SIL1: variants seen among roughly 807,000 people sequenced by gnomAD.
SIL1 encodes the protein SIL1 nucleotide exchange factor.
A neutral mutation model predicts 49.1 loss-of-function variants in SIL1; 40 were observed. The observed-to-expected ratio is 0.81, with a 90% CI of 0.63 to 1.06. SIL1 has a LOEUF of 1.06. Ranked by LOEUF, SIL1 falls within the 50% of genes least tolerant of loss-of-function variation. SIL1 has a pLI of 0.00. For missense variants in SIL1, 500 were observed against 572.6 expected (o/e 0.87, Z 1.29); for synonymous variants, 253 against 250.8 (o/e 1.01, Z -0.08).
intron 5 of SIL1, among the ~76,000 whole-genome samples, chr5:139,029,465 GT>G (rs1221954798): frequency 1.3e-5 from 2 of 152,146 alleles, no homozygotes; most frequent in Admixed American, 6.5e-5. Context: ...TTAGAAAGAT[GT>G]ATGATAATTA....
intron 2 of SIL1, among the ~76,000 whole-genome samples, chr5:139,126,809 T>C (rs944258013): frequency 6.6e-6 from 1 of 152,224 alleles, no homozygotes; most frequent in Non-Finnish European, 1.5e-5. Flanking sequence ...GGATTGTTAT[T>C]AAATTCATCA....
rs1293723662 is a variant in SIL1, at chr5:139,009,410, TTA to T, written c.767+11759_767+11760del. ...CAGCACACTGATGGGTCTTGACTCT[TTA>T]TCCAATTTGCCAGTCTGTGTCTTTT... On this transcript the variant is annotated intron_variant, in intron 7 of 9. Coordinates refer to ENST00000394817, the MANE Select transcript of SIL1 (RefSeq NM_022464.5). Among the ~76,000 whole-genome samples the T allele has an allele frequency of 2.8e-4, 42 of 147,902 alleles. No homozygotes were observed. In the East Asian group the frequency reaches 7.7e-3, roughly 27 times the overall value.
chr5:139,156,523 A>AG (rs1410816586), intron 1 of SIL1, among the ~76,000 whole-genome samples: 1 of 152,190 alleles, frequency 6.6e-6, no homozygotes, highest in African/African-American at 2.4e-5. Context: ...TAAGAAAAAA[A>AG]AAGGATCTTT....
Position 139,174,909 on chromosome 5 carries a change from G to A in SIL1, c.-11+23360C>T, listed in dbSNP as rs1751846151. Among the ~76,000 whole-genome samples the A allele has an allele frequency of 2.3e-5, 3 of 128,592 alleles. No individual in the cohort carries two copies. The South Asian group carries it at 7.3e-4, about 31-fold the overall frequency. The allele number at this position is 128,592 out of a possible 152,430, so 84.4% of individuals were successfully genotyped here. A position where few individuals can be genotyped will look rare whatever the true frequency, so the allele number is the denominator to read the frequency against. ...AGCGACATCATGTCACTGCACTCCA[G>A]CCTGGATGACAGAGTAAGACTGTGT... On this transcript the variant is annotated intron_variant, in intron 1 of 9. Coordinates refer to ENST00000394817, the MANE Select transcript of SIL1 (RefSeq NM_022464.5).
Position 139,026,823 on chromosome 5 carries a change from T to C in SIL1, c.623A>G (p.Asp208Gly). 6.2e-7 allele frequency: 1 copy of C among 1,614,054 alleles called. No homozygotes were observed. The highest frequency in any genetic ancestry group is 8.5e-7 in the Non-Finnish European group (1 of 1,179,958). The change falls in exon 6 of 10, where the codon GAT (aspartate) becomes GGT (glycine). Residue 208 changes from aspartate to glycine, a missense_variant. Transcript: ENST00000394817. The part of the protein sequence containing the change: ...SLEEKIAALF[D>G]LEYYVHQMDN... ...TACCTGATGGACATAATATTCAAGA[T>C]CAAAGAGCGCAGCAATCTTCTCTTC...
intron 7 of SIL1, among the ~76,000 whole-genome samples, chr5:138,961,088 G>A (rs1191777253): frequency 6.6e-6 from 1 of 152,280 alleles, no homozygotes; most frequent in Non-Finnish European, 1.5e-5. Context: ...GCAAGACCTG[G>A]TTTTATGGAA....
intron 3 of SIL1, among the ~76,000 whole-genome samples, chr5:139,075,419 T>C (rs1165753923): frequency 6.6e-6 from 1 of 152,232 alleles, no homozygotes; most frequent in Admixed American, 6.5e-5. Flanking sequence ...CAAGGACTTT[T>C]CTGAGTATGT....
At chr5:138,972,036 G>C (rs917162676) in intron 7 of SIL1, among the ~76,000 whole-genome samples, 2 of 152,178 alleles carry the variant, frequency 1.3e-5, no homozygotes, top group Non-Finnish European at 2.9e-5. Context: ...AGCCCAGAAT[G>C]AGCTCTGTAG....
intron 1 of SIL1, among the ~76,000 whole-genome samples, chr5:139,190,829 A>T (rs1752153853): frequency 6.6e-6 from 1 of 152,160 alleles, no homozygotes; most frequent in Non-Finnish European, 1.5e-5. Context: ...AGCCCAAAAC[A>T]CAATCATTTT....
intron 7 of SIL1, among the ~76,000 whole-genome samples, chr5:138,955,699 G>A (rs933401417): frequency 2.0e-5 from 3 of 152,214 alleles, no homozygotes; most frequent in Admixed American, 6.5e-5. Context: ...TCAGGCCCAA[G>A]TGCAACATGA....
intron 1 of SIL1, among the ~76,000 whole-genome samples, chr5:139,159,907 G>A (rs750399235): frequency 6.6e-6 from 1 of 152,020 alleles, no homozygotes; most frequent in Non-Finnish European, 1.5e-5. Flanking sequence ...ATGCAAGTAT[G>A]TTTACTTTCT....
chr5:138,996,666 C>T (rs776433590), intron 7 of SIL1, among the ~76,000 whole-genome samples: 36 of 151,596 alleles, frequency 2.4e-4, no homozygotes, highest in Admixed American at 5.3e-4. Flanking sequence ...ACTACAGGTG[C>T]GAGCCACCAC....
At chr5:139,177,636 G>C (rs899715847) in intron 1 of SIL1, among the ~76,000 whole-genome samples, 2 of 152,190 alleles carry the variant, frequency 1.3e-5, no homozygotes, top group African/African-American at 4.8e-5. Flanking sequence ...GAAAGGAGTA[G>C]TGGGCAAGGC....
chr5:139,169,150 C>A (rs1751682764), intron 1 of SIL1, among the ~76,000 whole-genome samples: 1 of 152,078 alleles, frequency 6.6e-6, no homozygotes, highest in Non-Finnish European at 1.5e-5. Flanking sequence ...TAGCAAGATC[C>A]TGCCTCTAAA....
At chr5:138,958,222 T>C (rs1766942686) in intron 7 of SIL1, among the ~76,000 whole-genome samples, 1 of 152,216 alleles carries the variant, frequency 6.6e-6, no homozygotes, top group African/African-American at 2.4e-5. Flanking sequence ...AGGCCAGTGG[T>C]AGAATGTTTC....
In SIL1 at chr5:139,121,051, C is replaced by T. The variant is rs1020037017; in HGVS notation, c.228G>A (p.Trp76Ter). 1.2e-6 allele frequency: 2 copies of T among 1,614,008 alleles called. No individual in the cohort carries two copies. Among genetic ancestry groups the T allele is most frequent in the Non-Finnish European group, 1.7e-6 (2 of 1,180,050 alleles). Residue 76 changes from tryptophan to a stop codon, truncating the protein, a stop_gained, in exon 3 of 10, where the codon TGG becomes TGA. Transcript: ENST00000394817. LOFTEE classifies it high-confidence loss of function. Reference protein sequence around the residue: ...VLEVFHPTHEWQALQPGQAVP... With the variant: ...VLEVFHPTHE ...GCCTGATACCTGGCTGAAGGGCCTG[C>T]CACTCATGCGTCGGGTGGAACACCT...
intron 1 of SIL1, among the ~76,000 whole-genome samples, chr5:139,143,330 CACACACACACACACAT>C (rs1225034778): frequency 0.027 from 2,585 of 95,910 alleles, 122 homozygotes; most frequent in African/African-American, 0.091. Context: ...CACACACACA[CACACACACACACACAT>C]ATATATATAT....
In SIL1 at chr5:138,967,572, T is replaced by C. The variant is rs188919100; in HGVS notation, c.768-15688A>G. On this transcript the variant is annotated intron_variant, in intron 7 of 9. Transcript: ENST00000394817. ...ATACAATAAAGAAGAAAGTGAGAAATCTGACAAAAAGAAAACGCAGCTTCA... is the reference window on the plus strand; with the variant it reads ...ATACAATAAAGAAGAAAGTGAGAAACCTGACAAAAAGAAAACGCAGCTTCA... Among the ~76,000 whole-genome samples, 161 of 152,200 alleles carry C rather than the reference T, an allele frequency of 1.1e-3. 1 individual carries two copies. The highest frequency in any genetic ancestry group is 3.7e-3 in the African/African-American group (154 of 41,522).
At chr5:139,141,296 A>G (rs1295401754) in intron 1 of SIL1, among the ~76,000 whole-genome samples, 3 of 152,166 alleles carry the variant, frequency 2.0e-5, no homozygotes, top group African/African-American at 7.2e-5. Context: ...GAAGAGTACA[A>G]TGGAAAATAA....
Sources: gnomAD v4.1 joint callset for allele counts (sites outside exome capture counted in the v4.1 genomes callset) on GRCh38, gnomAD v4.1.1 for gene constraint, MANE v1.5 for transcripts, NCBI Gene and HGNC (gene_info 2026-07-23, HGNC 2026-07-21) for gene names.